The following CSMD3 variants were observed in gnomAD, a reference collection of about 807,000 sequenced individuals.
The protein encoded by CSMD3 is CUB and Sushi multiple domains 3, also known as CUB and sushi domain-containing protein 3.
CSMD3 carries 177 observed loss-of-function variants against 435.2 expected under a neutral mutation model. That is an observed-to-expected ratio of 0.41 (90% confidence interval 0.36 to 0.46). The LOEUF is 0.46. Among genes scored for constraint, CSMD3 ranks in the 20% least tolerant of loss-of-function variants. CSMD3 has a pLI of 0.34. For missense variants in CSMD3, 4,265 were observed against 4,504.6 expected, an observed-to-expected ratio of 0.95 and a Z score of 1.52; for synonymous variants, 1,656 against 1,520.5, an observed-to-expected ratio of 1.09 and a Z score of -2.07.
intron 40 of CSMD3, among the ~76,000 whole-genome samples, chr8:112,348,319 A>G (rs1586839333): frequency 6.6e-6 from 1 of 152,164 alleles, no homozygotes; most frequent in Non-Finnish European, 1.5e-5. Context: ...AATAAAATCA[A>G]CTTCTGTTTT....
At chr8:113,343,707 G>A (rs555163689) in intron 1 of CSMD3, among the ~76,000 whole-genome samples, 6 of 152,086 alleles carry the variant, frequency 3.9e-5, no homozygotes, top group Admixed American at 2.0e-4. Flanking sequence ...AAATATGTAC[G>A]TTACTAGAGA....
chr8:112,321,204 C>A (rs1219652264), intron 45 of CSMD3, among the ~76,000 whole-genome samples: 1 of 151,978 alleles, frequency 6.6e-6, no homozygotes, highest in Admixed American at 6.6e-5. Context: ...CTTAGAAGTT[C>A]TTTATGTACT....
At chr8:112,308,049 C>T (rs1224602895) in intron 50 of CSMD3, among the ~76,000 whole-genome samples, 3 of 152,130 alleles carry the variant, frequency 2.0e-5, no homozygotes, top group African/African-American at 7.2e-5. Flanking sequence ...AATAATTGAT[C>T]TTCTGTAATT....
At chr8:112,946,187 T>C (rs2083605416) in intron 9 of CSMD3, among the ~76,000 whole-genome samples, 1 of 151,854 alleles carries the variant, frequency 6.6e-6, no homozygotes, top group Non-Finnish European at 1.5e-5. Flanking sequence ...ATTGTACATG[T>C]TACTTTGTAA....
intron 4 of CSMD3, among the ~76,000 whole-genome samples, chr8:113,158,844 T>G (rs1166335724): frequency 6.6e-6 from 1 of 152,048 alleles, no homozygotes; most frequent in East Asian, 1.9e-4. Context: ...ATACAGATAT[T>G]TTTATACATG....
intron 2 of CSMD3, among the ~76,000 whole-genome samples, chr8:113,307,111 C>T (rs191893291): frequency 6.3e-4 from 95 of 151,808 alleles, no homozygotes; most frequent in Non-Finnish European, 1.3e-3. Context: ...TATATAGTCA[C>T]AAAGTAAAAA....
At position 112,650,331 on chromosome 8, in the gene CSMD3, T is replaced by C. The variant is rs2131633430; in HGVS notation, c.3023A>G (p.Tyr1008Cys). ...AGGTATGCCAGGGTCCAAACAAGAA[T>C]ACGTGTTCACTGTAACACCTGGAAA... ...IHYESVTVNT[Y>C]SCLDPGIPVH... The change falls in exon 19 of 71, where the codon TAT becomes TGT. Residue 1008 changes from tyrosine (Y) to cysteine (C), a missense_variant. Coordinates refer to ENST00000297405, the MANE Select transcript of CSMD3 (RefSeq NM_198123.2). The C allele has an allele frequency of 6.2e-7, 1 of 1,613,690 alleles. No homozygotes were observed. Among genetic ancestry groups the C allele is most frequent in the Non-Finnish European group, 8.5e-7 (1 of 1,179,688 alleles).
In CSMD3 at chr8:112,223,892, A is replaced by G. The variant is rs2069070955; in HGVS notation, c.*879T>C. 1 of 152,206 alleles carries G rather than the reference A, an allele frequency of 6.6e-6. No homozygotes were observed. Among genetic ancestry groups the G allele is most frequent in the Non-Finnish European group, 1.5e-5 (1 of 68,032 alleles). The allele number at this position is 152,206 out of a possible 1,614,324, so 9.4% of individuals were successfully genotyped here. ...GATGGTAAGTTTGGTGTCTCAGATAACTGCAAAATAATAATTTTTCTAGAT... is the reference window on the plus strand; with the variant it reads ...GATGGTAAGTTTGGTGTCTCAGATAGCTGCAAAATAATAATTTTTCTAGAT... On this transcript the variant is annotated 3_prime_UTR_variant, in exon 71 of 71. Coordinates refer to ENST00000297405, the MANE Select transcript of CSMD3 (RefSeq NM_198123.2).
chr8:113,009,718 T>C (rs1179477747), intron 6 of CSMD3, among the ~76,000 whole-genome samples: 1 of 151,792 alleles, frequency 6.6e-6, no homozygotes, highest in African/African-American at 2.4e-5. Context: ...TAATATGATG[T>C]TTTGATTTGA....
chr8:112,582,107 C>G (rs1432116166), intron 23 of CSMD3, among the ~76,000 whole-genome samples: 3 of 151,998 alleles, frequency 2.0e-5, no homozygotes. Flanking sequence ...GGGGCAGAAC[C>G]TTCGTGAATG....
intron 22 of CSMD3, among the ~76,000 whole-genome samples, chr8:112,619,138 C>T (rs1833874838): frequency 6.6e-6 from 1 of 152,012 alleles, no homozygotes; most frequent in African/African-American, 2.4e-5. Context: ...TATTACTTTT[C>T]CTGCTTTCTC....
At chr8:113,200,913 T>C (rs1490572150) in intron 3 of CSMD3, among the ~76,000 whole-genome samples, 1 of 151,832 alleles carries the variant, frequency 6.6e-6, no homozygotes, top group African/African-American at 2.4e-5. Flanking sequence ...TCCTAGTGTA[T>C]TGTGCAATCT....
intron 70 of CSMD3, among the ~76,000 whole-genome samples, chr8:112,227,136 G>A (rs759340105): frequency 2.0e-5 from 3 of 152,106 alleles, no homozygotes; most frequent in Non-Finnish European, 4.4e-5. Flanking sequence ...GTGTACAGTA[G>A]CACTATTCAC....
rs1008757901 is a variant in CSMD3 at position 112,224,665 on chromosome 8, C to A, written c.*106G>T. ...GTATCATTCCTCAGGAAAAGGTGACCCAGCAAGTCCTGAAAAGTGTGCTTT... is the reference window on the plus strand; with the variant it reads ...GTATCATTCCTCAGGAAAAGGTGACACAGCAAGTCCTGAAAAGTGTGCTTT... On this transcript the variant is annotated 3_prime_UTR_variant, in exon 71 of 71. Coordinates refer to ENST00000297405, the MANE Select transcript of CSMD3 (RefSeq NM_198123.2). 1.8e-6 allele frequency: 2 copies of A among 1,103,574 alleles called. No individual in the cohort carries two copies. The highest frequency in any genetic ancestry group is 2.8e-6 in the Non-Finnish European group (2 of 715,722). 68.4% of individuals were successfully genotyped at this position (1,103,574 alleles called of 1,614,324 possible).
chr8:112,437,298 A>C (rs753269778), intron 32 of CSMD3, among the ~76,000 whole-genome samples: 4 of 152,122 alleles, frequency 2.6e-5, no homozygotes, highest in Non-Finnish European at 5.9e-5. Context: ...TCCAACAAGC[A>C]AACACATTTT....
intron 40 of CSMD3, among the ~76,000 whole-genome samples, chr8:112,349,406 A>C (rs1028110361): frequency 1.3e-5 from 2 of 152,098 alleles, no homozygotes; most frequent in African/African-American, 4.8e-5. Flanking sequence ...TAATTTGTTC[A>C]CTAAACAGTA....
At position 112,682,628 on chromosome 8, in the gene CSMD3, G is replaced by T. The variant is rs775939123; in HGVS notation, c.2491C>A (p.His831Asn). ...GFNITYNTFG[H>N]NECPDPGIPI... ...ATTCCAGGATCAGGGCATTCATTAT[G>T]TCCAAATGCTTTAGAATAATATGCA... is the stretch of plus-strand genomic sequence containing the variant. The change falls in exon 16 of 71, where the codon CAT (histidine) becomes AAT (asparagine). Residue 831 changes from histidine (H) to asparagine (N), a missense_variant. By Grantham distance (68) the His-to-Asn change is moderately conservative (BLOSUM62 1). This residue lies in a region of CSMD3 where 279 missense variants were observed against 369.0 expected (regional missense o/e 0.76). Coordinates refer to ENST00000297405, the MANE Select transcript of CSMD3 (RefSeq NM_198123.2). The T allele has an allele frequency of 4.4e-6, 7 of 1,608,490 alleles. No individual in the cohort carries two copies. In the East Asian group the frequency reaches 1.6e-4, roughly 36 times the overall value.
rs969983796 is a variant in CSMD3, at chr8:112,494,532, T to C, written c.5084-1849A>G. Among the ~76,000 whole-genome samples the C allele has an allele frequency of 5.8e-4, 82 of 142,596 alleles. 4 individuals are homozygous for C. Among genetic ancestry groups the C allele is most frequent in the African/African-American group, 1.8e-3 (69 of 37,330 alleles). 93.5% of individuals were successfully genotyped at this position (142,596 alleles called of 152,430 possible). A position where few individuals can be genotyped will look rare whatever the true frequency, so the allele number is the denominator to read the frequency against. ...CTTTCTTTCTTTCTTTCTTTCTTTCTTTCTTTCTTTCTTTCTTTCTTTCTT... is the reference window on the plus strand; with the variant it reads ...CTTTCTTTCTTTCTTTCTTTCTTTCCTTCTTTCTTTCTTTCTTTCTTTCTT... On this transcript the variant is annotated intron_variant, in intron 30 of 70. Transcript: ENST00000297405.
At chr8:112,601,376 A>C (rs1021136834) in intron 22 of CSMD3, among the ~76,000 whole-genome samples, 4 of 152,156 alleles carry the variant, frequency 2.6e-5, no homozygotes, top group Non-Finnish European at 5.9e-5. Flanking sequence ...GTGAACTTTA[A>C]GCACAGATAG....
Sources: gnomAD v4.1 joint callset for allele counts (sites outside exome capture counted in the v4.1 genomes callset) on GRCh38, gnomAD v4.1.1 for gene constraint, gnomAD v4.1.1 regional missense constraint, MANE v1.5 for transcripts, NCBI Gene and HGNC (gene_info 2026-07-23, HGNC 2026-07-21) for gene names.